The following SLC24A2 variants were observed in gnomAD, a reference collection of about 807,000 sequenced individuals.
SLC24A2 encodes sodium/potassium/calcium exchanger 2.
In SLC24A2, 36 loss-of-function variants were observed where a neutral mutation model predicts 62.0. The observed-to-expected ratio is 0.58, with a 90% CI of 0.44 to 0.77. The LOEUF (loss-of-function observed/expected upper bound fraction) is 0.77. SLC24A2 is among the 30% of genes least tolerant of loss of function. The pLI is 0.00. For synonymous variants in SLC24A2, 358 were observed against 294.0 expected (o/e 1.22, Z -2.23); for missense variants, 846 against 817.9 (o/e 1.03, Z -0.42).
chr9:20,109,102 C>A, the SLC24A2 span, among the ~76,000 whole-genome samples: 2 of 152,148 alleles, frequency 1.3e-5, no homozygotes, highest in South Asian at 4.1e-4. Context: ...CCAGGAGTGA[C>A]AGAGTATTCC....
chr9:20,171,600 C>A, the SLC24A2 span, among the ~76,000 whole-genome samples: 1 of 151,936 alleles, frequency 6.6e-6, no homozygotes, highest in African/African-American at 2.4e-5. Flanking sequence ...TTTAAAGCAA[C>A]AGCAGTTTAA....
the SLC24A2 span, among the ~76,000 whole-genome samples, chr9:19,848,751 G>C: frequency 2.6e-5 from 4 of 152,118 alleles, no homozygotes; most frequent in South Asian, 8.3e-4. Flanking sequence ...AACCACAAAA[G>C]ATTGTTCTTC....
At chr9:19,565,102 G>A (rs987380968) in intron 7 of SLC24A2, among the ~76,000 whole-genome samples, 2 of 152,100 alleles carry the variant, frequency 1.3e-5, no homozygotes, top group Non-Finnish European at 2.9e-5. Context: ...AGTGTTGGAA[G>A]TTCTGGCCAG....
At chr9:19,960,821 G>A in the SLC24A2 span, among the ~76,000 whole-genome samples, 3 of 152,144 alleles carry the variant, frequency 2.0e-5, no homozygotes, top group African/African-American at 7.2e-5. Context: ...CAGGGTTGTC[G>A]TGAGCATTAA....
intron 2 of SLC24A2, among the ~76,000 whole-genome samples, chr9:19,732,909 C>T (rs539484253): frequency 6.6e-5 from 10 of 152,054 alleles, no homozygotes; most frequent in South Asian, 2.1e-4. Context: ...TGCCATTCTG[C>T]GAGTAAAACC....
the SLC24A2 span, among the ~76,000 whole-genome samples, chr9:20,057,847 AT>A: frequency 6.6e-6 from 1 of 152,180 alleles, no homozygotes; most frequent in Non-Finnish European, 1.5e-5. Flanking sequence ...CATAGAGAAT[AT>A]TTGACTTTTA....
the SLC24A2 span, among the ~76,000 whole-genome samples, chr9:19,869,036 C>T: frequency 6.6e-6 from 1 of 152,082 alleles, no homozygotes; most frequent in Non-Finnish European, 1.5e-5. Flanking sequence ...GGCTGGAGTG[C>T]AGTGGCAGGA....
chr9:19,911,356 T>A, the SLC24A2 span, among the ~76,000 whole-genome samples: 1 of 152,154 alleles, frequency 6.6e-6, no homozygotes, highest in Admixed American at 6.5e-5. Context: ...TTTGCTATAG[T>A]GAATAGTGCC....
At chr9:19,671,241 T>A (rs1449297018) in intron 2 of SLC24A2, among the ~76,000 whole-genome samples, 1 of 151,912 alleles carries the variant, frequency 6.6e-6, no homozygotes, top group African/African-American at 2.4e-5. Context: ...GTTTCATAGT[T>A]TTCCTTGTAG....
At chr9:20,093,518 A>G in the SLC24A2 span, among the ~76,000 whole-genome samples, 1 of 152,156 alleles carries the variant, frequency 6.6e-6, no homozygotes. Flanking sequence ...ACAGAAATAC[A>G]TTTACCAAAA....
At chr9:19,999,205 C>T in the SLC24A2 span, among the ~76,000 whole-genome samples, 13 of 152,212 alleles carry the variant, frequency 8.5e-5, no homozygotes, top group African/African-American at 3.1e-4. Context: ...GTCACTCCTT[C>T]GCCTCCCTGG....
In SLC24A2 at chr9:19,778,788, A is replaced by T. The variant is rs10964282; in HGVS notation, c.930+7149T>A. Among the ~76,000 whole-genome samples, 698 of 152,288 alleles carry T rather than the reference A, an allele frequency of 4.6e-3. 14 individuals are homozygous for T. Among genetic ancestry groups the T allele is most frequent in the South Asian group, 0.035 (170 of 4,820 alleles). ...CCCAAGAAACATATGCTCAAAGTTT[A>T]AAAAAATTTCATGGTTAAGAATCAA... On this transcript the variant is annotated intron_variant, in intron 2 of 10. Coordinates refer to ENST00000341998, the MANE Select transcript of SLC24A2 (RefSeq NM_020344.4).
chr9:20,014,517 T>TATATATATATATATATATATAAATACAC, the SLC24A2 span, among the ~76,000 whole-genome samples: 3 of 148,392 alleles, frequency 2.0e-5, no homozygotes, highest in African/African-American at 7.5e-5. Context: ...TATATATATA[T>TATATATATATATATATATATAAATACAC]ACACACACAC....
chr9:19,739,275 T>C (rs544766801), intron 2 of SLC24A2, among the ~76,000 whole-genome samples: 5 of 152,376 alleles, frequency 3.3e-5, no homozygotes, highest in South Asian at 4.1e-4. Context: ...AAGTCATTTC[T>C]ACTCATTAAA....
At chr9:20,208,332 G>A in the SLC24A2 span, among the ~76,000 whole-genome samples, 3 of 152,308 alleles carry the variant, frequency 2.0e-5, no homozygotes, top group Middle Eastern at 3.4e-3. Context: ...AGGAATGGGA[G>A]AGGGGCTCGC....
At chr9:20,034,180 AC>A in the SLC24A2 span, among the ~76,000 whole-genome samples, 1 of 151,968 alleles carries the variant, frequency 6.6e-6, no homozygotes, top group African/African-American at 2.4e-5. Context: ...TATCTACACG[AC>A]CCCTTCCTTA....
the SLC24A2 span, among the ~76,000 whole-genome samples, chr9:20,169,460 T>C: frequency 1.3e-5 from 2 of 151,992 alleles, no homozygotes. Flanking sequence ...CCTCAAATAC[T>C]AGCAGGTGTG....
At chr9:19,975,745 T>C in the SLC24A2 span, among the ~76,000 whole-genome samples, 4 of 152,142 alleles carry the variant, frequency 2.6e-5, no homozygotes, top group Non-Finnish European at 4.4e-5. Context: ...CTTTTTTTTT[T>C]CCATGTTCTG....
At position 19,632,551 on chromosome 9, in the gene SLC24A2, G is replaced by A. The variant is rs959421835; in HGVS notation, c.931-10252C>T. 1.2e-4 allele frequency among the ~76,000 whole-genome samples: 18 copies of A among 152,162 alleles called. No homozygotes were observed. The highest frequency in any genetic ancestry group is 4.1e-4 in the African/African-American group (17 of 41,502). Reference sequence around the variant, plus strand: ...TATGAAATCCTTGCTGACCTTTATCGAGCACTAACTACAGTTGAAATACTG... The same window carrying A: ...TATGAAATCCTTGCTGACCTTTATCAAGCACTAACTACAGTTGAAATACTG... On this transcript the variant is annotated intron_variant, in intron 2 of 10. Coordinates refer to ENST00000341998, the MANE Select transcript of SLC24A2 (RefSeq NM_020344.4). This position sits in a 1 kb window ranked among gnomAD's most constrained non-coding sequence, Gnocchi z 4.5.
Sources: gnomAD v4.1 joint callset for allele counts (sites outside exome capture counted in the v4.1 genomes callset) on GRCh38, gnomAD v4.1.1 for gene constraint, Gnocchi (gnomAD v3.1) non-coding constraint, MANE v1.5 for transcripts, NCBI Gene and HGNC (gene_info 2026-07-23, HGNC 2026-07-21) for gene names.